The following CYP4Z1 variants were observed in gnomAD, a reference collection of about 807,000 sequenced individuals.
CYP4Z1 encodes the protein cytochrome P450 4Z1.
CYP4Z1 carries 41 observed loss-of-function variants against 54.2 expected under a neutral mutation model. The observed-to-expected ratio is 0.76, with a 90% CI of 0.59 to 0.98. CYP4Z1 has a LOEUF of 0.98. Among genes scored for constraint, CYP4Z1 ranks in the 50% least tolerant of loss-of-function variants. The pLI, the probability that CYP4Z1 is intolerant of heterozygous loss-of-function variation, is 0.00. For missense variants in CYP4Z1, 513 were observed against 599.0 expected (o/e 0.86, Z 1.50); for synonymous variants, 163 against 206.2 (o/e 0.79, Z 1.79).
rs564044977 is a variant in CYP4Z1 at position 47,078,940 on chromosome 1, T to C, written c.320-1683T>C. On this transcript the variant is annotated intron_variant, in intron 2 of 11. Coordinates refer to ENST00000334194, the MANE Select transcript of CYP4Z1 (RefSeq NM_178134.3). ...ATTGATTCCAAAACAAAATTCTCAT[T>C]CCCAGCTTTTCCTTCTAGTTTTTGG... Among the ~76,000 whole-genome samples, 204 of 151,956 alleles carry C rather than the reference T, an allele frequency of 1.3e-3. 1 individual carries two copies. Among genetic ancestry groups the C allele is most frequent in the African/African-American group, 4.8e-3 (200 of 41,454 alleles).
the CYP4Z1 span, among the ~76,000 whole-genome samples, chr1:47,057,372 A>ATG: frequency 1.7e-5 from 2 of 118,450 alleles, no homozygotes; most frequent in Non-Finnish European, 3.5e-5. Flanking sequence ...ATATATATAT[A>ATG]TATATGTATA....
chr1:47,105,484 C>T (rs3122309), intron 8 of CYP4Z1, among the ~76,000 whole-genome samples: 9 of 152,258 alleles, frequency 5.9e-5, no homozygotes, highest in Admixed American at 2.0e-4. Flanking sequence ...GTGGTGGGAA[C>T]GTGGATCACT....
chr1:47,062,474 A>G (rs1458954815), upstream of CYP4Z1, among the ~76,000 whole-genome samples: 2 of 152,152 alleles, frequency 1.3e-5, no homozygotes, highest in Non-Finnish European at 2.9e-5. Flanking sequence ...CTGCCTGGAA[A>G]TAGACTCATT....
chr1:47,080,040 C>A (rs1414170104), intron 2 of CYP4Z1, among the ~76,000 whole-genome samples: 1 of 151,656 alleles, frequency 6.6e-6, no homozygotes, highest in East Asian at 2.0e-4. Context: ...CATATGTTTT[C>A]TCCCCCATTT....
intron 9 of CYP4Z1, among the ~76,000 whole-genome samples, chr1:47,111,190 A>AT (rs1644789626): frequency 1.6e-5 from 2 of 121,992 alleles, no homozygotes; most frequent in Non-Finnish European, 3.3e-5. Flanking sequence ...ACACATCTGC[A>AT]ATTTTTTTTT....
At position 47,084,693 on chromosome 1, in the gene CYP4Z1, A is replaced by G. The variant is rs753910598; in HGVS notation, c.566A>G (p.Asp189Gly). ...LFQHVSLMTL[D>G]SIMKCAFSHQ... Reference sequence around the variant, plus strand: ...CAACATGTCTCCCTGATGACCCTGGACAGCATCATGAAGTGTGCCTTCAGC... The same window carrying G: ...CAACATGTCTCCCTGATGACCCTGGGCAGCATCATGAAGTGTGCCTTCAGC... The change falls in exon 5 of 12, where the codon GAC becomes GGC. Residue 189 changes from aspartate to glycine, a missense_variant. Asp to Gly is a moderately conservative substitution (Grantham distance 94). Coordinates refer to ENST00000334194, the MANE Select transcript of CYP4Z1 (RefSeq NM_178134.3). 5.6e-6 allele frequency: 9 copies of G among 1,612,226 alleles called. No homozygotes were observed. In the South Asian group the frequency reaches 9.9e-5, roughly 18 times the overall value.
At chr1:47,108,175 C>G (rs1228654252) in intron 9 of CYP4Z1, among the ~76,000 whole-genome samples, 1 of 152,154 alleles carries the variant, frequency 6.6e-6, no homozygotes, top group Non-Finnish European at 1.5e-5. Flanking sequence ...CTCACGTGCT[C>G]ATCTGTCTCA....
intron 2 of CYP4Z1, among the ~76,000 whole-genome samples, chr1:47,079,981 T>A (rs61784348): frequency 2.6e-5 from 4 of 151,342 alleles, no homozygotes; most frequent in South Asian, 2.1e-4. Flanking sequence ...ACCTGGACTT[T>A]TGCAGAAAGT....
chr1:47,080,312 A>G (rs1362467501), intron 2 of CYP4Z1, among the ~76,000 whole-genome samples: 6 of 92,602 alleles, frequency 6.5e-5, no homozygotes, highest in Non-Finnish European at 1.2e-4. Context: ...CAACAAAAAC[A>G]AATGTATTTT....
intron 1 of CYP4Z1, among the ~76,000 whole-genome samples, 197 bp from the exon 2 acceptor site, chr1:47,068,425 G>GAC (rs1203751343): frequency 6.6e-6 from 1 of 152,190 alleles, no homozygotes; most frequent in Non-Finnish European, 1.5e-5. Flanking sequence ...CAGGTCCTGA[G>GAC]CACTTGCCCA....
intron 6 of CYP4Z1, among the ~76,000 whole-genome samples, chr1:47,088,397 T>C (rs1285675529): frequency 6.6e-6 from 1 of 152,218 alleles, no homozygotes; most frequent in Non-Finnish European, 1.5e-5. Flanking sequence ...TATTCAGAGA[T>C]TCAACTTCTT....
chr1:47,100,098 T>C (rs1239444611), intron 8 of CYP4Z1, among the ~76,000 whole-genome samples: 4 of 152,204 alleles, frequency 2.6e-5, no homozygotes, highest in Non-Finnish European at 5.9e-5. Flanking sequence ...GTCTAGTTTA[T>C]CTTCTGTTTG....
intron 6 of CYP4Z1, among the ~76,000 whole-genome samples, chr1:47,093,868 T>G (rs1644657351): frequency 6.6e-6 from 1 of 152,146 alleles, no homozygotes; most frequent in African/African-American, 2.4e-5. Flanking sequence ...ATGGAGAGAA[T>G]TTCTGTTTCC....
chr1:47,095,449 A>G (rs1433371630), intron 7 of CYP4Z1, among the ~76,000 whole-genome samples: 1 of 152,244 alleles, frequency 6.6e-6, no homozygotes. Flanking sequence ...GGCAATCAAC[A>G]GTCACTCAAT....
intron 10 of CYP4Z1, among the ~76,000 whole-genome samples, chr1:47,116,285 G>C (rs1644829641): frequency 6.6e-6 from 1 of 152,200 alleles, no homozygotes; most frequent in South Asian, 2.1e-4. Flanking sequence ...AAATAGAAAA[G>C]ATAATAATTT....
In CYP4Z1 at chr1:47,104,268, G is replaced by T. The variant is rs1644740997; in HGVS notation, c.1068-1860G>T. Among the ~76,000 whole-genome samples the T allele has an allele frequency of 3.9e-5, 6 of 152,318 alleles. No individual in the cohort carries two copies. In the South Asian group the frequency reaches 1.2e-3, roughly 32 times the overall value. ...TTACTCAGTGGCTTAGCATGTGGTTGTTAGTGGAAGCTGTGGTGAAGTTTT... is the reference window on the plus strand; with the variant it reads ...TTACTCAGTGGCTTAGCATGTGGTTTTTAGTGGAAGCTGTGGTGAAGTTTT... On this transcript the variant is annotated intron_variant, in intron 8 of 11. Coordinates refer to ENST00000334194, the MANE Select transcript of CYP4Z1 (RefSeq NM_178134.3).
At chr1:47,117,697 A>T in intron 11 of CYP4Z1, 69 bp from the exon 12 acceptor site, 1 of 1,481,326 alleles carries the variant, frequency 6.8e-7, no homozygotes, top group Non-Finnish European at 9.0e-7. Flanking sequence ...ATATATAAAA[A>T]GATTGGCGTA....
chr1:47,068,442 C>T (rs1280751810), intron 1 of CYP4Z1, among the ~76,000 whole-genome samples, 180 bp from the exon 2 acceptor site: 1 of 152,118 alleles, frequency 6.6e-6, no homozygotes, highest in Non-Finnish European at 1.5e-5. Context: ...CCCAGGGCCA[C>T]GAAGATTCTG....
At chr1:47,098,093 AAG>A (rs1268377976) in intron 7 of CYP4Z1, among the ~76,000 whole-genome samples, 33 of 152,292 alleles carry the variant, frequency 2.2e-4, no homozygotes, top group African/African-American at 6.7e-4. Flanking sequence ...CTGGGATTAC[AAG>A]CGTGAGCCGC....
Sources: gnomAD v4.1 joint callset for allele counts (sites outside exome capture counted in the v4.1 genomes callset) on GRCh38, gnomAD v4.1.1 for gene constraint, MANE v1.5 for transcripts, NCBI Gene and HGNC (gene_info 2026-07-23, HGNC 2026-07-21) for gene names.